The following S1PR1 variants were observed in gnomAD, a reference collection of about 807,000 sequenced individuals.
The protein encoded by S1PR1 is sphingosine-1-phosphate receptor 1, also known as sphingosine 1-phosphate receptor 1.
In S1PR1, 2 loss-of-function variants were observed where a neutral mutation model predicts 18.3. The ratio of observed to expected loss-of-function variants is 0.11; its 90% CI spans 0.04 to 0.34. The LOEUF is 0.34. Ranked by LOEUF, S1PR1 falls within the 10% of genes least tolerant of loss-of-function variation. The pLI, the probability that S1PR1 is intolerant of heterozygous loss-of-function variation, is 1.00. For missense variants in S1PR1, 335 were observed against 493.8 expected, an observed-to-expected ratio of 0.68 and a Z score of 3.05; for synonymous variants, 222 against 211.2, an observed-to-expected ratio of 1.05 and a Z score of -0.44.
chr1:101,241,583 G>A (rs1166472170), downstream of S1PR1: 1 of 164,608 alleles, frequency 6.1e-6, no homozygotes, highest in African/African-American at 2.4e-5. Context: ...GTAGCTCTTT[G>A]GAATCAAAGT....
chr1:101,237,893 T>C (rs1217714665), intron 1 of S1PR1, among the ~76,000 whole-genome samples: 1 of 151,816 alleles, frequency 6.6e-6, no homozygotes, highest in African/African-American at 2.4e-5. Flanking sequence ...GCAAAAAATA[T>C]TTATGCAATC....
intron 1 of S1PR1, among the ~76,000 whole-genome samples, 172 bp downstream of exon 1, chr1:101,237,271 CAGATTGTTCT>C (rs1229016291): frequency 6.6e-6 from 1 of 152,168 alleles, no homozygotes; most frequent in Admixed American, 6.5e-5. Flanking sequence ...CCATCTCGAT[CAGATTGTTCT>C]TGGGCACTTG....
At chr1:101,238,410 G>A (rs924913734) in intron 1 of S1PR1, among the ~76,000 whole-genome samples, 1 of 151,200 alleles carries the variant, frequency 6.6e-6, no homozygotes, top group Non-Finnish European at 1.5e-5. Context: ...AGAATCTCAT[G>A]GCTGGAAATC....
At position 101,239,685 on chromosome 1, in the gene S1PR1, G is replaced by A; in HGVS notation, c.701G>A (p.Arg234His). 1.2e-6 allele frequency: 2 copies of A among 1,613,984 alleles called. No individual in the cohort carries two copies. Among genetic ancestry groups the A allele is most frequent in the Non-Finnish European group, 8.5e-7 (1 of 1,180,028 alleles). ...TCCTTGGTCAGGACTCGGAGCCGCC[G>A]CCTGACGTTCCGCAAGAACATTTCC... is the stretch of plus-strand genomic sequence containing the variant. Reference protein sequence around the residue: ...IYSLVRTRSRRLTFRKNISKA... With the variant: ...IYSLVRTRSRHLTFRKNISKA... Residue 234 changes from arginine (R) to histidine (H), a missense_variant, in exon 2 of 2, where the codon CGC (arginine) becomes CAC (histidine). Physicochemically the swap from Arg to His is conservative, Grantham distance 29. Coordinates refer to ENST00000305352, the MANE Select transcript of S1PR1 (RefSeq NM_001400.5). The surrounding 1 kb of genome is among the most constrained non-coding windows in gnomAD (Gnocchi z 6.3).
At position 101,240,530 on chromosome 1, in the gene S1PR1, A is replaced by C; in HGVS notation, c.*397A>C. The C allele has an allele frequency of 4.1e-6, 1 of 241,514 alleles. No homozygotes were observed. The highest frequency in any genetic ancestry group is 8.8e-6 in the Non-Finnish European group (1 of 113,798). The allele number at this position is 241,514 out of a possible 1,614,324, so 15.0% of individuals were successfully genotyped here. On this transcript the variant is annotated 3_prime_UTR_variant, in exon 2 of 2. Coordinates refer to ENST00000305352, the MANE Select transcript of S1PR1 (RefSeq NM_001400.5). ...ATGTTTTCCTTCACTTTAGTTTCAAACCCAAGTGAGTGTGTGCACTTCTGC... is the reference window on the plus strand; with the variant it reads ...ATGTTTTCCTTCACTTTAGTTTCAACCCCAAGTGAGTGTGTGCACTTCTGC...
chr1:101,239,642 C>T lies in S1PR1; in HGVS notation c.658C>T (p.Leu220=). 1 of 1,614,120 alleles carries T rather than the reference C, an allele frequency of 6.2e-7. No homozygotes were observed. The highest frequency in any genetic ancestry group is 8.5e-7 in the Non-Finnish European group (1 of 1,180,022). ...FTLLLLSIVI[L]YCRIYSLVRT... ...TCTGCTTCTGCTCTCCATCGTCATT[C>T]TGTACTGCAGAATCTACTCCTTGGT... is the stretch of plus-strand genomic sequence containing the variant. The change falls in exon 2 of 2, where the codon CTG becomes TTG. Residue 220 remains leucine (L), a synonymous_variant. Transcript: ENST00000305352. The surrounding 1 kb of genome is among the most constrained non-coding windows in gnomAD (Gnocchi z 6.3).
intron 1 of S1PR1, chr1:101,238,024 G>A (rs1181618147): frequency 6.8e-6 from 1 of 147,842 alleles, no homozygotes; most frequent in East Asian, 2.0e-4. Context: ...CGCGGGGGGA[G>A]GCGGGGAGAA....
chr1:101,242,176 T>A (rs1380626306), downstream of S1PR1, among the ~76,000 whole-genome samples: 1 of 152,172 alleles, frequency 6.6e-6, no homozygotes, highest in Non-Finnish European at 1.5e-5. Context: ...GCATTAATAT[T>A]CTCAGTCATT....
Position 101,239,684 on chromosome 1 carries a change from C to T in S1PR1, c.700C>T (p.Arg234Cys), listed in dbSNP as rs1652820187. ...CTCCTTGGTCAGGACTCGGAGCCGC[C>T]GCCTGACGTTCCGCAAGAACATTTC... The part of the protein sequence containing the change: ...IYSLVRTRSR[R>C]LTFRKNISKA... Residue 234 changes from arginine to cysteine, a missense_variant, in exon 2 of 2, where the codon CGC becomes TGC. By Grantham distance (180) the Arg-to-Cys change is radical (BLOSUM62 -3). Around this residue, in one of 3 missense-constraint regions of S1PR1, gnomAD observed 214 missense variants for 366.6 expected, o/e 0.58. Transcript: ENST00000305352. The surrounding 1 kb of genome is among the most constrained non-coding windows in gnomAD (Gnocchi z 6.3). 1 of 1,614,048 alleles carries T rather than the reference C, an allele frequency of 6.2e-7. No individual in the cohort carries two copies.
Position 101,239,617 on chromosome 1 carries a change from T to C in S1PR1, c.633T>C (p.Thr211=), listed in dbSNP as rs201811777. The C allele has an allele frequency of 1.9e-6, 3 of 1,613,984 alleles. No individual in the cohort carries two copies. The highest frequency in any genetic ancestry group is 2.7e-5 in the African/African-American group (2 of 74,900). ...HYILFCTTVF[T]LLLLSIVILY... is the part of the protein sequence containing the mutation. ...TCCTCTTCTGCACCACGGTCTTCAC[T>C]CTGCTTCTGCTCTCCATCGTCATTC... The change falls in exon 2 of 2, where the codon ACT becomes ACC. Residue 211 remains threonine, a synonymous_variant. Transcript: ENST00000305352. This position sits in a 1 kb window ranked among gnomAD's most constrained non-coding sequence, Gnocchi z 6.3.
chr1:101,239,685 G>T lies in S1PR1; in HGVS notation c.701G>T (p.Arg234Leu). 1.2e-6 allele frequency: 2 copies of T among 1,613,984 alleles called. No homozygotes were observed. The highest frequency in any genetic ancestry group is 1.6e-4 in the Middle Eastern group (1 of 6,062). Residue 234 changes from arginine to leucine, a missense_variant, in exon 2 of 2, where the codon CGC becomes CTC. Around this residue, in one of 3 missense-constraint regions of S1PR1, gnomAD observed 214 missense variants for 366.6 expected, o/e 0.58. Transcript: ENST00000305352. The surrounding 1 kb of genome is among the most constrained non-coding windows in gnomAD (Gnocchi z 6.3). ...IYSLVRTRSR[R>L]LTFRKNISKA... ...TCCTTGGTCAGGACTCGGAGCCGCC[G>T]CCTGACGTTCCGCAAGAACATTTCC...
chr1:101,236,974 G>C (rs1652705483), upstream of S1PR1: 1 of 150,174 alleles, frequency 6.7e-6, no homozygotes, highest in Admixed American at 6.6e-5. Context: ...GCTGCGGAGG[G>C]AGGGGACCCC....
chr1:101,237,260 C>G (rs769736694), intron 1 of S1PR1, among the ~76,000 whole-genome samples, 161 bp downstream of exon 1: 5 of 152,134 alleles, frequency 3.3e-5, no homozygotes, highest in Non-Finnish European at 5.9e-5. Flanking sequence ...TACTAAGGAG[C>G]CCATCTCGAT....
intron 1 of S1PR1, among the ~76,000 whole-genome samples, chr1:101,237,714 G>A (rs1024278474): frequency 3.1e-4 from 47 of 152,300 alleles, no homozygotes; most frequent in African/African-American, 1.1e-3. Flanking sequence ...GGGGACTGCA[G>A]TAAATAAAAC....
In S1PR1 at chr1:101,239,749, C is replaced by T. The variant is rs1427134798; in HGVS notation, c.765C>T (p.Leu255=). The T allele has an allele frequency of 3.1e-6, 5 of 1,613,742 alleles. No individual in the cohort carries two copies. The highest frequency in any genetic ancestry group is 4.2e-6 in the Non-Finnish European group (5 of 1,180,030). Residue 255 remains leucine, a synonymous_variant, in exon 2 of 2, where the codon CTC becomes CTT. Coordinates refer to ENST00000305352, the MANE Select transcript of S1PR1 (RefSeq NM_001400.5). The surrounding 1 kb of genome is among the most constrained non-coding windows in gnomAD (Gnocchi z 6.3). ...GCTCTGAGAAGTCGCTGGCGCTGCT[C>T]AAGACCGTAATTATCGTCCTGAGCG... is the stretch of plus-strand genomic sequence containing the variant. ...SRSSEKSLAL[L]KTVIIVLSVF... is the part of the protein sequence containing the mutation.
At chr1:101,238,463 G>A (rs770958860) in intron 1 of S1PR1, among the ~76,000 whole-genome samples, 1 of 151,814 alleles carries the variant, frequency 6.6e-6, no homozygotes, top group Non-Finnish European at 1.5e-5. Context: ...CAGGAGTGGA[G>A]TTAAAATGGG....
In S1PR1 at chr1:101,240,176, C is replaced by T. The variant is rs756928933; in HGVS notation, c.*43C>T. The T allele has an allele frequency of 1.9e-6, 3 of 1,603,850 alleles. No individual in the cohort carries two copies. Among genetic ancestry groups the T allele is most frequent in the Admixed American group, 1.7e-5 (1 of 59,110 alleles). ...CCACCGGAAGCGCTCTTTACTTGGT[C>T]GCTGGCCACCCCAGTGTTTGGAAAA... is the stretch of plus-strand genomic sequence containing the variant. On this transcript the variant is annotated 3_prime_UTR_variant, in exon 2 of 2. Transcript: ENST00000305352.
chr1:101,240,350 C>A lies in S1PR1; in HGVS notation c.*217C>A. On this transcript the variant is annotated 3_prime_UTR_variant, in exon 2 of 2. Transcript: ENST00000305352. ...GCACTGGGAAGGGTGGAGATCAGGT[C>A]CCGGCCTGGAATATATTTTCTACCC... The A allele has an allele frequency of 1.6e-6, 1 of 611,358 alleles. No individual in the cohort carries two copies. Among genetic ancestry groups the A allele is most frequent in the Non-Finnish European group, 3.0e-6 (1 of 336,336 alleles). The allele number at this position is 611,358 out of a possible 1,614,324, so 37.9% of individuals were successfully genotyped here. A position where few individuals can be genotyped will look rare whatever the true frequency, so the allele number is the denominator to read the frequency against.
rs201576456 is a variant in S1PR1, at chr1:101,239,842, C to T, written c.858C>T (p.Thr286=). The T allele has an allele frequency of 6.2e-7, 1 of 1,613,652 alleles. No individual in the cohort carries two copies. Among genetic ancestry groups the T allele is most frequent in the Admixed American group, 1.7e-5 (1 of 60,018 alleles). ...TGGATGTGGGCTGCAAGGTGAAGAC[C>T]TGTGACATCCTCTTCAGAGCGGAGT... ...LLLDVGCKVK[T]CDILFRAEYF... The change falls in exon 2 of 2, where the codon ACC becomes ACT. Residue 286 remains threonine (T), a synonymous_variant. Transcript: ENST00000305352. This position sits in a 1 kb window ranked among gnomAD's most constrained non-coding sequence, Gnocchi z 6.3.
Sources: gnomAD v4.1 joint callset for allele counts (sites outside exome capture counted in the v4.1 genomes callset) on GRCh38, gnomAD v4.1.1 for gene constraint, gnomAD v4.1.1 regional missense constraint, Gnocchi (gnomAD v3.1) non-coding constraint, MANE v1.5 for transcripts, NCBI Gene and HGNC (gene_info 2026-07-23, HGNC 2026-07-21) for gene names.